Variants in TRNT1 observed in about 807,000 individuals in gnomAD.
TRNT1 encodes tRNA nucleotidyl transferase 1.
Under a neutral mutation model 45.6 loss-of-function variants are expected in TRNT1, and 44 were observed. That is an observed-to-expected ratio of 0.97 (90% confidence interval 0.76 to 1.24). TRNT1 has a LOEUF of 1.24. TRNT1 is among the 50% of genes most tolerant of loss of function. The pLI is 0.00. For missense variants in TRNT1, 633 were observed against 504.4 expected (o/e 1.25, Z -2.44); for synonymous variants, 201 against 171.4 (o/e 1.17, Z -1.35).
At chr3:3,129,991 C>T in intron 2 of TRNT1, 1 of 1,549,154 alleles carries the variant, frequency 6.5e-7, no homozygotes, top group African/African-American at 1.4e-5. Context: ...GTTGCAAAAC[C>T]TGTCTGGAAG....
intron 2 of TRNT1, 68 bp downstream of exon 2, chr3:3,129,256 T>C (rs1053658601): frequency 1.5e-6 from 2 of 1,342,090 alleles, no homozygotes; most frequent in Non-Finnish European, 2.1e-6. Context: ...GGTTAACTTT[T>C]TAAGCCAGCA....
chr3:3,150,310 T>G (rs1422140525), downstream of TRNT1: 2 of 151,736 alleles, frequency 1.3e-5, no homozygotes, highest in Non-Finnish European at 2.9e-5. Flanking sequence ...ATTTTCAAAA[T>G]TTACAAATCA....
Position 3,140,665 on chromosome 3 carries a change from A to T in TRNT1, c.481+17A>T. On this transcript the variant is annotated intron_variant, in intron 4 of 7. Coordinates refer to ENST00000251607, the MANE Select transcript of TRNT1 (RefSeq NM_182916.3). ...TGTTTTTAGGTAATATTTGCAGATA[A>T]AACCATATTGTGAGTCTATCAGAAT... 3 of 1,612,894 alleles carry T rather than the reference A, an allele frequency of 1.9e-6. No homozygotes were observed. Among genetic ancestry groups the T allele is most frequent in the Non-Finnish European group, 2.5e-6 (3 of 1,179,402 alleles).
At chr3:3,134,737 T>C (rs1705221619) in intron 2 of TRNT1, among the ~76,000 whole-genome samples, 1 of 152,150 alleles carries the variant, frequency 6.6e-6, no homozygotes, top group African/African-American at 2.4e-5. Flanking sequence ...AGTTAGAATA[T>C]CATAATTCAG....
At chr3:3,129,377 C>T (rs1704854014) in intron 2 of TRNT1, 189 bp downstream of exon 2, 1 of 549,746 alleles carries the variant, frequency 1.8e-6, no homozygotes, top group South Asian at 2.2e-5. Flanking sequence ...TCCTTGGCCT[C>T]CCAAAATGCT....
Position 3,147,476 on chromosome 3 carries a change from G to T in TRNT1, c.829G>T (p.Glu277Ter), listed in dbSNP as rs370699359. 6.1e-5 allele frequency: 99 copies of T among 1,613,476 alleles called. No individual in the cohort carries two copies. The highest frequency in any genetic ancestry group is 7.9e-5 in the Non-Finnish European group (93 of 1,179,680). The change falls in exon 7 of 8, where the codon GAA becomes TAA. Residue 277 changes from glutamate to a stop codon, truncating the protein, a stop_gained. Coordinates refer to ENST00000251607, the MANE Select transcript of TRNT1 (RefSeq NM_182916.3). LOFTEE classifies it high-confidence loss of function. ...TTTACCTGCTAATGCAAGTTTAGAA[G>T]AATTTGACAAAGTCAGTAAAAATGT... The part of the protein sequence containing the change: ...IGLPANASLE[E>*]FDKVSKNVDG...
chr3:3,129,280 A>T (rs1704841913), intron 2 of TRNT1, 92 bp downstream of exon 2: 1 of 1,189,724 alleles, frequency 8.4e-7, no homozygotes, highest in Non-Finnish European at 1.2e-6. Context: ...GGATATTTTC[A>T]TTGTTGTTTT....
At chr3:3,128,268 G>C (rs1704731458) in intron 1 of TRNT1, among the ~76,000 whole-genome samples, 1 of 152,140 alleles carries the variant, frequency 6.6e-6, no homozygotes, top group African/African-American at 2.4e-5. Context: ...CAGATCCCCA[G>C]TAAAACTTGT....
chr3:3,137,244 T>C lies in TRNT1; in HGVS notation c.149-16T>C, dbSNP rs766739333. ...AAAGAACTTGGGAATAAAAATCTTA[T>C]TTTCTCTCATCTCAGAATTATTTGT... On this transcript the variant is annotated splice_polypyrimidine_tract_variant and intron_variant, in intron 2 of 7. Coordinates refer to ENST00000251607, the MANE Select transcript of TRNT1 (RefSeq NM_182916.3). The C allele has an allele frequency of 5.8e-6, 9 of 1,557,172 alleles. No homozygotes were observed. The highest frequency in any genetic ancestry group is 6.1e-6 in the Non-Finnish European group (7 of 1,155,102).
chr3:3,143,128 C>G (rs1197032328), intron 4 of TRNT1, among the ~76,000 whole-genome samples: 1 of 152,198 alleles, frequency 6.6e-6, no homozygotes, highest in Non-Finnish European at 1.5e-5. Flanking sequence ...TCATAGATCA[C>G]TGACCTCCCC....
chr3:3,146,011 GAGGAATTC>G (rs945936194), intron 5 of TRNT1, among the ~76,000 whole-genome samples: 2 of 150,502 alleles, frequency 1.3e-5, no homozygotes, highest in Admixed American at 1.3e-4. Context: ...GGCAAGCTTT[GAGGAATTC>G]AGACTACTCT....
chr3:3,140,648 G>C lies in TRNT1; in HGVS notation c.481G>C (p.Gly161Arg). 2 of 1,613,462 alleles carry C rather than the reference G, an allele frequency of 1.2e-6. No homozygotes were observed. The highest frequency in any genetic ancestry group is 1.7e-6 in the Non-Finnish European group (2 of 1,179,774). The part of the protein sequence containing the change: ...RDLTINSMFL[G>R]FDGTLFDYFN... ...TCTCACTATAAATTCTATGTTTTTA[G>C]GTAATATTTGCAGATAAAACCATAT... Residue 161 changes from glycine (G) to arginine (R), a missense_variant and splice_region_variant, in exon 4 of 8, where the codon GGT becomes CGT. Physicochemically the swap from Gly to Arg is moderately radical, Grantham distance 125 (BLOSUM62 -2). Coordinates refer to ENST00000251607, the MANE Select transcript of TRNT1 (RefSeq NM_182916.3).
At chr3:3,130,247 G>C (rs1054660905) in intron 2 of TRNT1, 1 of 362,528 alleles carries the variant, frequency 2.8e-6, no homozygotes, top group Admixed American at 4.4e-5. Context: ...CACATGCTCG[G>C]GTTCTACCTG....
chr3:3,140,882 A>C (rs1287757987), intron 4 of TRNT1, among the ~76,000 whole-genome samples: 3 of 152,198 alleles, frequency 2.0e-5, no homozygotes, highest in Non-Finnish European at 2.9e-5. Context: ...GGAGATCGAG[A>C]CCATCCTGGC....
chr3:3,129,311 G>A (rs1001429109), intron 2 of TRNT1, 123 bp downstream of exon 2: 43 of 931,016 alleles, frequency 4.6e-5, no homozygotes, highest in African/African-American at 6.6e-5. Context: ...ATTAAAAAAC[G>A]TAAGTAGAGG....
At position 3,147,942 on chromosome 3, in the gene TRNT1, C is replaced by T; in HGVS notation, c.1093C>T (p.Leu365=). ...EPDATTRVCE[L]LKYQGEHCLL... is the part of the protein sequence containing the mutation. ...TGATGCAACTACTCGTGTATGTGAA[C>T]TACTGAAGTACCAAGGAGAGCACTG... The change falls in exon 8 of 8, where the codon CTA becomes TTA. Residue 365 remains leucine (L), a synonymous_variant. Transcript: ENST00000251607. 1 of 1,613,884 alleles carries T rather than the reference C, an allele frequency of 6.2e-7. No homozygotes were observed. Among genetic ancestry groups the T allele is most frequent in the Non-Finnish European group, 8.5e-7 (1 of 1,179,858 alleles).
intron 6 of TRNT1, 65 bp downstream of exon 6, chr3:3,146,688 G>T: frequency 7.2e-7 from 1 of 1,381,988 alleles, no homozygotes; most frequent in Non-Finnish European, 9.8e-7. Context: ...AATTTCATAA[G>T]GAAAAAATGT....
chr3:3,127,925 G>A (rs1264833014), intron 1 of TRNT1: 1 of 152,196 alleles, frequency 6.6e-6, no homozygotes, highest in Non-Finnish European at 1.5e-5. Context: ...AGGAAAGAAA[G>A]GAGTTTATTT....
intron 4 of TRNT1, 32 bp downstream of exon 4, chr3:3,140,680 T>G (rs781402673): frequency 6.2e-7 from 1 of 1,603,712 alleles, no homozygotes; most frequent in Non-Finnish European, 8.5e-7. Flanking sequence ...ATATTGTGAG[T>G]CTATCAGAAT....
Sources: gnomAD v4.1 joint callset for allele counts (sites outside exome capture counted in the v4.1 genomes callset) on GRCh38, gnomAD v4.1.1 for gene constraint, MANE v1.5 for transcripts, NCBI Gene and HGNC (gene_info 2026-07-23, HGNC 2026-07-21) for gene names.